Variants in AGTPBP1 observed in about 807,000 individuals in gnomAD.
AGTPBP1 encodes the protein cytosolic carboxypeptidase 1.
AGTPBP1 carries 70 observed loss-of-function variants against 143.9 expected under a neutral mutation model. The observed-to-expected ratio is 0.49, with a 90% confidence interval of 0.40 to 0.59. The LOEUF (loss-of-function observed/expected upper bound fraction) is 0.59. Ranked by LOEUF, AGTPBP1 falls within the 20% of genes least tolerant of loss-of-function variation. The pLI is 0.00. For synonymous variants in AGTPBP1, 463 were observed against 500.2 expected (o/e 0.93, Z 0.99); for missense variants, 1,229 against 1,464.5 (o/e 0.84, Z 2.62).
At chr9:85,680,998 T>C (rs1835133282) in intron 4 of AGTPBP1, among the ~76,000 whole-genome samples, 1 of 152,228 alleles carries the variant, frequency 6.6e-6, no homozygotes, top group African/African-American at 2.4e-5. Flanking sequence ...CAGTTATCAT[T>C]ATAATCATAT....
the AGTPBP1 span, among the ~76,000 whole-genome samples, chr9:85,768,009 CAG>C: frequency 6.6e-6 from 1 of 152,182 alleles, no homozygotes; most frequent in Non-Finnish European, 1.5e-5. Context: ...TATCATAAAG[CAG>C]AGTCAACTCT....
At chr9:85,568,360 T>C (rs545576571) in intron 25 of AGTPBP1, among the ~76,000 whole-genome samples, 19 of 152,172 alleles carry the variant, frequency 1.2e-4, no homozygotes, top group Non-Finnish European at 2.2e-4. Context: ...ACAGAAAAAG[T>C]TGTAAAACAG....
At chr9:85,749,730 G>T in the AGTPBP1 span, among the ~76,000 whole-genome samples, 1 of 152,104 alleles carries the variant, frequency 6.6e-6, no homozygotes. Flanking sequence ...GGATTGTTGT[G>T]AGGGCTAAAT....
At chr9:85,706,524 A>G (rs74914058) in intron 2 of AGTPBP1, among the ~76,000 whole-genome samples, 7 of 146,594 alleles carry the variant, frequency 4.8e-5, no homozygotes. Flanking sequence ...AAAAAAAAAA[A>G]AAGAAAGAAA....
At chr9:85,795,581 TC>T in the AGTPBP1 span, among the ~76,000 whole-genome samples, 1 of 152,138 alleles carries the variant, frequency 6.6e-6, no homozygotes, top group Admixed American at 6.6e-5. Flanking sequence ...ACAGACCCGG[TC>T]TCTGCTTTTA....
intron 6 of AGTPBP1, among the ~76,000 whole-genome samples, chr9:85,674,245 A>G (rs1420746221): frequency 6.6e-6 from 1 of 152,070 alleles, no homozygotes; most frequent in Non-Finnish European, 1.5e-5. Context: ...AATAAAAAGA[A>G]TAGAAAAATC....
At chr9:85,721,420 C>A (rs969123717) in intron 1 of AGTPBP1, among the ~76,000 whole-genome samples, 4 of 151,094 alleles carry the variant, frequency 2.6e-5, no homozygotes, top group African/African-American at 4.9e-5. Context: ...CATGTAATGG[C>A]CTTCTTGGTC....
At chr9:85,691,536 GGTGTGTGTGTGTGT>G (rs58713865) in intron 3 of AGTPBP1, among the ~76,000 whole-genome samples, 8 of 144,480 alleles carry the variant, frequency 5.5e-5, no homozygotes, top group South Asian at 2.2e-4. Flanking sequence ...AAAAAAAGAG[GGTGTGTGTGTGTGT>G]GTGTGTGTGT....
chr9:85,555,090 G>T (rs562094960), intron 25 of AGTPBP1, among the ~76,000 whole-genome samples: 2 of 152,124 alleles, frequency 1.3e-5, no homozygotes, highest in African/African-American at 4.8e-5. Context: ...GAGGAAAAAC[G>T]AATGTGGCAG....
At chr9:85,653,182 A>T (rs1469997779) in intron 11 of AGTPBP1, among the ~76,000 whole-genome samples, 1 of 146,436 alleles carries the variant, frequency 6.8e-6, no homozygotes, top group Non-Finnish European at 1.5e-5. Flanking sequence ...GGTGGGGGGG[A>T]TCTCTTGAAC....
chr9:85,787,503 C>T, the AGTPBP1 span, among the ~76,000 whole-genome samples: 3 of 152,012 alleles, frequency 2.0e-5, no homozygotes, highest in Non-Finnish European at 4.4e-5. Context: ...TGCACACTGG[C>T]CAAACTACAC....
intron 12 of AGTPBP1, among the ~76,000 whole-genome samples, chr9:85,644,653 A>G (rs1207348122): frequency 2.0e-5 from 3 of 152,172 alleles, no homozygotes; most frequent in Admixed American, 6.5e-5. Context: ...TGAAACTTAT[A>G]TACGGTCAAG....
At chr9:85,690,686 T>G (rs12342950) in intron 3 of AGTPBP1, among the ~76,000 whole-genome samples, 1 of 143,936 alleles carries the variant, frequency 6.9e-6, no homozygotes, top group African/African-American at 2.8e-5. Flanking sequence ...GATAGCGGTA[T>G]GGTCAGGAGT....
rs571556755 is a variant in AGTPBP1 at position 85,681,218 on chromosome 9, G to A, written c.225+50C>T. The A allele has an allele frequency of 1.7e-4, 256 of 1,535,714 alleles. 3 individuals carry two copies. In the South Asian group the frequency reaches 2.8e-3, roughly 17 times the overall value. On this transcript the variant is annotated intron_variant, in intron 4 of 25. Transcript: ENST00000357081. ...ACACACATACGCTTTTTCTTCTTCA[G>A]TATTGCTTGGCATTAGTAGTTACAT...
intron 10 of AGTPBP1, among the ~76,000 whole-genome samples, chr9:85,656,749 C>T (rs898699612): frequency 2.9e-4 from 44 of 152,114 alleles, no homozygotes; most frequent in African/African-American, 1.1e-3. Context: ...TTCCCAGTTC[C>T]AGGTTTCATT....
Position 85,669,535 on chromosome 9 carries a change from C to G in AGTPBP1, c.612G>C (p.Leu204=). 1 of 1,612,190 alleles carries G rather than the reference C, an allele frequency of 6.2e-7. No individual in the cohort carries two copies. ...TAAATGGTCCAATGATTTTAAACAT[C>G]AGTTCCACAACTCCATTTTTCCCTA... ...VSLGKNGVVE[L]MFKIIGPFSK... The change falls in exon 8 of 26, where the codon CTG becomes CTC. Residue 204 remains leucine, a synonymous_variant. Coordinates refer to ENST00000357081, the MANE Select transcript of AGTPBP1 (RefSeq NM_001330701.2).
At chr9:85,701,933 A>G (rs1477167864) in intron 2 of AGTPBP1, among the ~76,000 whole-genome samples, 1 of 152,230 alleles carries the variant, frequency 6.6e-6, no homozygotes, top group Non-Finnish European at 1.5e-5. Context: ...CAGGTTGTTC[A>G]AGAGAGTTTT....
intron 8 of AGTPBP1, among the ~76,000 whole-genome samples, chr9:85,666,366 T>C (rs1280996450): frequency 6.6e-6 from 1 of 152,126 alleles, no homozygotes; most frequent in Non-Finnish European, 1.5e-5. Context: ...CGTCTTCCCA[T>C]TAAATGTGGA....
intron 17 of AGTPBP1, among the ~76,000 whole-genome samples, chr9:85,614,940 C>T (rs971365639): frequency 6.6e-6 from 1 of 152,064 alleles, no homozygotes; most frequent in East Asian, 1.9e-4. Flanking sequence ...CTGTAACAGC[C>T]AAAACAGAGC....
Sources: gnomAD v4.1 joint callset for allele counts (sites outside exome capture counted in the v4.1 genomes callset) on GRCh38, gnomAD v4.1.1 for gene constraint, MANE v1.5 for transcripts, NCBI Gene and HGNC (gene_info 2026-07-23, HGNC 2026-07-21) for gene names.